Variants in PRR5L observed in about 807,000 individuals in gnomAD.
The protein encoded by PRR5L is proline-rich protein 5-like.
Under a neutral mutation model 36.4 loss-of-function variants are expected in PRR5L, and 21 were observed. That is an observed-to-expected ratio of 0.58 (90% CI 0.41 to 0.83). The LOEUF is 0.83. PRR5L is among the 40% of genes least tolerant of loss of function. The pLI, the probability that PRR5L is intolerant of heterozygous loss-of-function variation, is 0.00. For synonymous variants in PRR5L, 188 were observed against 197.0 expected, an observed-to-expected ratio of 0.95 and a Z score of 0.38; for missense variants, 381 against 473.3, an observed-to-expected ratio of 0.80 and a Z score of 1.81.
chr11:36,312,610 A>C (rs1856514938), intron 1 of PRR5L, among the ~76,000 whole-genome samples: 2 of 152,232 alleles, frequency 1.3e-5, no homozygotes, highest in Admixed American at 6.5e-5. Context: ...CCAATGTTCA[A>C]GTCCTGGCTC....
chr11:36,461,631 A>C (rs558647196), intron 8 of PRR5L, among the ~76,000 whole-genome samples: 43 of 145,088 alleles, frequency 3.0e-4, no homozygotes, highest in African/African-American at 7.6e-4. Context: ...CAAAAAAAAA[A>C]CAAAAAGCAG....
At chr11:36,396,963 T>G (rs1049534236) in intron 1 of PRR5L, among the ~76,000 whole-genome samples, 1 of 151,956 alleles carries the variant, frequency 6.6e-6, no homozygotes, top group Non-Finnish European at 1.5e-5. Context: ...CATGGAAAAG[T>G]GGGAATGGGC....
chr11:36,410,853 C>T (rs1858010042), intron 3 of PRR5L, among the ~76,000 whole-genome samples: 1 of 152,154 alleles, frequency 6.6e-6, no homozygotes, highest in South Asian at 2.1e-4. Context: ...GATTTCAGAG[C>T]ATTCAGCAGT....
At chr11:36,438,730 A>G (rs1858657162) in intron 6 of PRR5L, among the ~76,000 whole-genome samples, 1 of 152,078 alleles carries the variant, frequency 6.6e-6, no homozygotes, top group Admixed American at 6.5e-5. Flanking sequence ...ACTTGAGCCC[A>G]GGAGTTTGAG....
chr11:36,353,488 G>T (rs1009914689), intron 1 of PRR5L, among the ~76,000 whole-genome samples: 1 of 152,116 alleles, frequency 6.6e-6, no homozygotes, highest in Non-Finnish European at 1.5e-5. Context: ...ACTATTGCCA[G>T]GTGCTGTCAT....
intron 1 of PRR5L, among the ~76,000 whole-genome samples, chr11:36,308,615 G>A (rs745480862): frequency 9.2e-5 from 14 of 152,188 alleles, no homozygotes; most frequent in Admixed American, 2.0e-4. Flanking sequence ...ACCTCCCTTC[G>A]TGGGAATCAC....
At chr11:36,352,354 A>G (rs2133494093) in intron 1 of PRR5L, among the ~76,000 whole-genome samples, 1 of 139,658 alleles carries the variant, frequency 7.2e-6, no homozygotes, top group East Asian at 2.0e-4. Flanking sequence ...CCTTTTTCAG[A>G]TGTTTAGATT....
At chr11:36,322,663 T>TAAAG (rs1435893389) in intron 1 of PRR5L, among the ~76,000 whole-genome samples, 1 of 152,144 alleles carries the variant, frequency 6.6e-6, no homozygotes, top group African/African-American at 2.4e-5. Context: ...AAAGATAAGT[T>TAAAG]AAAGGGCTAG....
intron 1 of PRR5L, chr11:36,379,309 C>A (rs1403055351): frequency 6.6e-6 from 1 of 152,142 alleles, no homozygotes; most frequent in East Asian, 1.9e-4. Flanking sequence ...GTGGCTGTTC[C>A]TTTTGTACAA....
chr11:36,325,205 G>T (rs187468181), intron 1 of PRR5L, among the ~76,000 whole-genome samples: 1 of 152,342 alleles, frequency 6.6e-6, no homozygotes, highest in African/African-American at 2.4e-5. Context: ...CAAGTGTTCA[G>T]CTCGATTACG....
At chr11:36,459,141 T>C (rs1443161846) in intron 8 of PRR5L, among the ~76,000 whole-genome samples, 2 of 152,192 alleles carry the variant, frequency 1.3e-5, no homozygotes, top group African/African-American at 2.4e-5. Flanking sequence ...CCGGTTGCAG[T>C]GGCTGGACCA....
chr11:36,424,391 A>G (rs1004576020), intron 4 of PRR5L, among the ~76,000 whole-genome samples: 3 of 152,226 alleles, frequency 2.0e-5, no homozygotes, highest in Non-Finnish European at 4.4e-5. Context: ...AGAACTCATT[A>G]TATATGGAAT....
chr11:36,411,909 G>A (rs907372211), intron 3 of PRR5L, among the ~76,000 whole-genome samples: 1 of 152,192 alleles, frequency 6.6e-6, no homozygotes, highest in Non-Finnish European at 1.5e-5. Flanking sequence ...GTGGGCTGGA[G>A]TTTTCAAGAC....
At chr11:36,421,851 AG>A (rs1247179990) in intron 4 of PRR5L, among the ~76,000 whole-genome samples, 1 of 152,146 alleles carries the variant, frequency 6.6e-6, no homozygotes, top group African/African-American at 2.4e-5. Context: ...CCCCTCCTCC[AG>A]GACTTGGAAA....
chr11:36,351,646 TATATTTATATAA>T lies in PRR5L; in HGVS notation c.-125-49346_-125-49335del, dbSNP rs1196508835. On this transcript the variant is annotated intron_variant, in intron 1 of 8. Coordinates refer to ENST00000530639, the MANE Select transcript of PRR5L (RefSeq NM_001160167.2). ...ATATATTTATATAAATATATATTTA[TATATTTATATAA>T]ATATATATTTATATACTTATATATT... is the stretch of plus-strand genomic sequence containing the variant. Among the ~76,000 whole-genome samples, 19 of 13,910 alleles carry T rather than the reference TATATTTATATAA, an allele frequency of 1.4e-3. 5 individuals carry two copies. Among genetic ancestry groups the T allele is most frequent in the African/African-American group, 6.1e-3 (19 of 3,118 alleles). The allele number at this position is 13,910 out of a possible 152,430, so 9.1% of individuals were successfully genotyped here.
chr11:36,297,776 C>G (rs1227612686), intron 1 of PRR5L, among the ~76,000 whole-genome samples: 1 of 152,164 alleles, frequency 6.6e-6, no homozygotes, highest in Admixed American at 6.5e-5. Flanking sequence ...AGACTTTTCT[C>G]CCTCCTCCAG....
In PRR5L at chr11:36,438,953, G is replaced by A. The variant is rs541223283; in HGVS notation, c.444+1477G>A. On this transcript the variant is annotated intron_variant, in intron 6 of 8. Transcript: ENST00000530639. Reference sequence around the variant, plus strand: ...CTGTCTCGAAATAAATAAATACTACGGGATGTTGAGTTATATTTGAATTGC... The same window carrying A: ...CTGTCTCGAAATAAATAAATACTACAGGATGTTGAGTTATATTTGAATTGC... Among the ~76,000 whole-genome samples, 5 of 152,056 alleles carry A rather than the reference G, an allele frequency of 3.3e-5. No individual in the cohort carries two copies. In the East Asian group the frequency reaches 7.7e-4, roughly 24 times the overall value.
At position 36,417,821 on chromosome 11, in the gene PRR5L, C is replaced by T. The variant is rs992098238; in HGVS notation, c.246-1434C>T. ...TTTGGGGGAGTGAATACTCAGCAAGCGTCGTCAGAAACTTGAGCATTTGCT... is the reference window on the plus strand; with the variant it reads ...TTTGGGGGAGTGAATACTCAGCAAGTGTCGTCAGAAACTTGAGCATTTGCT... On this transcript the variant is annotated intron_variant, in intron 3 of 8. Transcript: ENST00000530639. 4.6e-5 allele frequency among the ~76,000 whole-genome samples: 7 copies of T among 152,298 alleles called. No individual in the cohort carries two copies. In the East Asian group the frequency reaches 9.6e-4, roughly 21 times the overall value.
chr11:36,438,478 C>A (rs941517698), intron 6 of PRR5L, among the ~76,000 whole-genome samples: 8 of 152,158 alleles, frequency 5.3e-5, no homozygotes, highest in Non-Finnish European at 8.8e-5. Context: ...GGAGGTTATG[C>A]TTATAGATTC....
Sources: gnomAD v4.1 joint callset for allele counts (sites outside exome capture counted in the v4.1 genomes callset) on GRCh38, gnomAD v4.1.1 for gene constraint, MANE v1.5 for transcripts, NCBI Gene and HGNC (gene_info 2026-07-23, HGNC 2026-07-21) for gene names.